Variants in TNNT3 observed in about 807,000 individuals in gnomAD.
TNNT3 encodes the protein troponin T, fast skeletal muscle.
TNNT3 carries 36 observed loss-of-function variants against 54.2 expected under a neutral mutation model. That is an observed-to-expected ratio of 0.66 (90% CI 0.51 to 0.88). The LOEUF (loss-of-function observed/expected upper bound fraction) is 0.88. Ranked by LOEUF, TNNT3 falls within the 40% of genes least tolerant of loss-of-function variation. TNNT3 has a pLI of 0.00. For missense variants in TNNT3, 291 were observed against 331.6 expected (o/e 0.88, Z 0.95); for synonymous variants, 120 against 109.7 (o/e 1.09, Z -0.59).
At chr11:1,937,780 G>C (rs544149133) in intron 15 of TNNT3, among the ~76,000 whole-genome samples, 1 of 152,196 alleles carries the variant, frequency 6.6e-6, no homozygotes, top group East Asian at 1.9e-4. Context: ...CTGTTGTGCC[G>C]TCAGGGGTCA....
Position 1,929,162 on chromosome 11 carries a change from C to G in TNNT3, c.106+19C>G, listed in dbSNP as rs768180865. On this transcript the variant is annotated intron_variant, in intron 7 of 15. Transcript: ENST00000278317. ...GCGGAAGGTAAGGGCCCGTCCCTGC[C>G]GCCGGAGGTGCAGGACCCTGGCTCT... 1 of 1,612,362 alleles carries G rather than the reference C, an allele frequency of 6.2e-7. No individual in the cohort carries two copies. Among genetic ancestry groups the G allele is most frequent in the Non-Finnish European group, 8.5e-7 (1 of 1,179,898 alleles).
At chr11:1,937,951 C>A (rs1439157114) in intron 15 of TNNT3, among the ~76,000 whole-genome samples, 5 of 152,172 alleles carry the variant, frequency 3.3e-5, no homozygotes, top group Non-Finnish European at 2.9e-5. Flanking sequence ...GCCGGCCTCG[C>A]GGGCCGAAGC....
rs976689114 is a variant in TNNT3 at position 1,935,143 on chromosome 11, C to T, written c.681+224C>T. The stretch of plus-strand genomic sequence containing the variant: ...CTGGCTGGCCATGCAGCGCCCTGAG[C>T]GATGAACCTGGCCCCTTTGGGCGGC... On this transcript the variant is annotated intron_variant, in intron 14 of 15. Coordinates refer to ENST00000278317, the MANE Select transcript of TNNT3 (RefSeq NM_006757.4). 3.2e-5 allele frequency: 20 copies of T among 618,218 alleles called. 1 individual carries two copies. Among genetic ancestry groups the T allele is most frequent in the East Asian group, 2.8e-4 (10 of 35,388 alleles). 38.3% of individuals were successfully genotyped at this position (618,218 alleles called of 1,614,324 possible).
At chr11:1,929,742 C>G in intron 7 of TNNT3, 68 bp from the exon 8 acceptor site, 2 of 1,536,932 alleles carry the variant, frequency 1.3e-6, no homozygotes, top group Admixed American at 2.0e-5. Context: ...CCCAGTCTCA[C>G]CCAGGCTGTC....
In TNNT3 at chr11:1,924,377, C is replaced by A. The variant is rs1028094374; in HGVS notation, c.50-722C>A. Among the ~76,000 whole-genome samples the A allele has an allele frequency of 2.0e-5, 3 of 152,174 alleles. No homozygotes were observed. In the East Asian group the frequency reaches 5.8e-4, roughly 29 times the overall value. ...GGGGTGGCGGTTCTCAGGCCGACGG[C>A]GCTGCCCTGGAATCCCTGGCACCCA... On this transcript the variant is annotated intron_variant, in intron 4 of 15. Transcript: ENST00000278317.
rs1452868154 is a variant in TNNT3, at chr11:1,938,534, C to T, written c.*42C>T. 1 of 1,597,290 alleles carries T rather than the reference C, an allele frequency of 6.3e-7. No homozygotes were observed. Among genetic ancestry groups the T allele is most frequent in the African/African-American group, 1.3e-5 (1 of 74,692 alleles). On this transcript the variant is annotated 3_prime_UTR_variant, in exon 16 of 16. Transcript: ENST00000278317. ...CCTCGAGGCAGAGACCCTCCGCCCT[C>T]TTGCACACCAGGGCCGCTCGTGGGA...
At position 1,922,844 on chromosome 11, in the gene TNNT3, T is replaced by A; in HGVS notation, c.-18-13T>A. 3 of 1,610,774 alleles carry A rather than the reference T, an allele frequency of 1.9e-6. No individual in the cohort carries two copies. Among genetic ancestry groups the A allele is most frequent in the Non-Finnish European group, 2.5e-6 (3 of 1,178,744 alleles). On this transcript the variant is annotated splice_polypyrimidine_tract_variant and intron_variant, in intron 1 of 15. Transcript: ENST00000278317. ...TCCTCTCTCTCTCTCTCTCTCTGAA[T>A]CTCTCTCTGCAGAAACCACCCACCT...
intron 1 of TNNT3, 37 bp from the exon 2 acceptor site, chr11:1,922,820 C>CCTCTCT (rs140086507): frequency 4.8e-6 from 7 of 1,465,296 alleles, no homozygotes; most frequent in African/African-American, 4.2e-5. Context: ...CTCTTTCCAT[C>CCTCTCT]CTCTCTCTCT....
At chr11:1,936,936 G>T (rs763369897) in intron 14 of TNNT3, 27 bp from the exon 15 acceptor site, 5 of 1,597,026 alleles carry the variant, frequency 3.1e-6, no homozygotes, top group East Asian at 2.3e-5. Flanking sequence ...TCGGGTCGTC[G>T]CAGTGAGTCA....
At position 1,929,160 on chromosome 11, in the gene TNNT3, G is replaced by C. The variant is rs748958086; in HGVS notation, c.106+17G>C. Reference sequence around the variant, plus strand: ...ACGCGGAAGGTAAGGGCCCGTCCCTGCCGCCGGAGGTGCAGGACCCTGGCT... The same window carrying C: ...ACGCGGAAGGTAAGGGCCCGTCCCTCCCGCCGGAGGTGCAGGACCCTGGCT... On this transcript the variant is annotated intron_variant, in intron 7 of 15. Transcript: ENST00000278317. The C allele has an allele frequency of 1.2e-6, 2 of 1,612,374 alleles. No individual in the cohort carries two copies. The highest frequency in any genetic ancestry group is 3.3e-5 in the Admixed American group (2 of 60,034).
chr11:1,936,299 T>C (rs1172393293), intron 14 of TNNT3: 2 of 1,606,696 alleles, frequency 1.2e-6, no homozygotes, highest in Non-Finnish European at 1.7e-6. Flanking sequence ...GGGTGTGCGT[T>C]GCACGGTGAG....
chr11:1,927,100 C>T (rs1851829287), intron 6 of TNNT3, among the ~76,000 whole-genome samples: 1 of 152,058 alleles, frequency 6.6e-6, no homozygotes, highest in South Asian at 2.1e-4. Flanking sequence ...GAGGCCTCCA[C>T]CCTGCCCCAG....
At position 1,923,029 on chromosome 11, in the gene TNNT3, C is replaced by T. The variant is rs1335190513; in HGVS notation, c.18-19C>T. 2 of 1,614,000 alleles carry T rather than the reference C, an allele frequency of 1.2e-6. No individual in the cohort carries two copies. The highest frequency in any genetic ancestry group is 1.3e-5 in the African/African-American group (1 of 75,048). ...ACTACCTCTCTCTCTTTCTTTCTCTCTCTCTCCCTGCCCCACAGTGAACAG... is the reference window on the plus strand; with the variant it reads ...ACTACCTCTCTCTCTTTCTTTCTCTTTCTCTCCCTGCCCCACAGTGAACAG... On this transcript the variant is annotated intron_variant, in intron 2 of 15. Transcript: ENST00000278317.
intron 11 of TNNT3, 130 bp downstream of exon 11, chr11:1,934,138 A>T: frequency 8.4e-7 from 1 of 1,188,870 alleles, no homozygotes; most frequent in Middle Eastern, 2.7e-4. Flanking sequence ...CCACTGGCTA[A>T]GGCCCCGGCG....
At chr11:1,926,349 G>A (rs1268364226) in intron 5 of TNNT3, 21 of 1,240,064 alleles carry the variant, frequency 1.7e-5, no homozygotes, top group South Asian at 3.6e-5. Flanking sequence ...CTCGCTCCCC[G>A]CACGCACCCC....
chr11:1,936,007 C>T (rs549791635), intron 14 of TNNT3, among the ~76,000 whole-genome samples: 2 of 152,298 alleles, frequency 1.3e-5, no homozygotes, highest in East Asian at 1.9e-4. Context: ...GGCCCTGAGA[C>T]GGGCTTCACG....
chr11:1,937,840 C>G (rs546378178), intron 15 of TNNT3, among the ~76,000 whole-genome samples: 2 of 152,192 alleles, frequency 1.3e-5, no homozygotes, highest in Non-Finnish European at 2.9e-5. Flanking sequence ...CATGTGCCTG[C>G]GTGTGTGCAT....
intron 15 of TNNT3, 27 bp downstream of exon 15, chr11:1,937,030 G>A (rs374849833): frequency 6.7e-5 from 106 of 1,574,344 alleles, no homozygotes; most frequent in Middle Eastern, 2.2e-4. Flanking sequence ...TCCTCGCTCC[G>A]CACTGGGCAC....
intron 11 of TNNT3, 30 bp from the exon 12 acceptor site, chr11:1,934,302 C>T: frequency 6.3e-7 from 1 of 1,598,274 alleles, no homozygotes; most frequent in Non-Finnish European, 8.6e-7. Context: ...CTCTCCATCC[C>T]TGAGCATCTT....
Sources: allele counts gnomAD v4.1 joint callset (sites outside exome capture counted in the v4.1 genomes callset), GRCh38; gene constraint gnomAD v4.1.1; transcripts MANE v1.5; gene names NCBI Gene and HGNC (gene_info 2026-07-23, HGNC 2026-07-21).